KCNQ1: variants seen among roughly 807,000 people sequenced by gnomAD.
KCNQ1 encodes the protein potassium voltage-gated channel subfamily KQT member 1.
KCNQ1 carries 49 observed loss-of-function variants against 72.4 expected under a neutral mutation model. That is an observed-to-expected ratio of 0.68 (90% confidence interval 0.54 to 0.86). KCNQ1 has a LOEUF of 0.86. KCNQ1 is among the 40% of genes least tolerant of loss of function. KCNQ1 has a pLI of 0.00. For missense variants in KCNQ1, 790 were observed against 945.1 expected, an observed-to-expected ratio of 0.84 and a Z score of 2.15; for synonymous variants, 450 against 412.6, an observed-to-expected ratio of 1.09 and a Z score of -1.10.
rs1008081672 is a variant in KCNQ1 at position 2,735,611 on chromosome 11, G to C, written c.1515-33233G>C. 3.8e-4 allele frequency among the ~76,000 whole-genome samples: 58 copies of C among 152,108 alleles called. No individual in the cohort carries two copies. The highest frequency in any genetic ancestry group is 8.8e-5 in the Non-Finnish European group (6 of 68,026). ...TGAGGAGCACTTGGAGGAGCTGGGG[G>C]ATGACATGAGTCCACTCCGCTGTCA... On this transcript the variant is annotated intron_variant, in intron 11 of 15. Coordinates refer to ENST00000155840, the MANE Select transcript of KCNQ1 (RefSeq NM_000218.3). This position sits in a 1 kb window ranked among gnomAD's most constrained non-coding sequence, Gnocchi z 7.7.
chr11:2,686,008 A>AG, intron 11 of KCNQ1: 1 of 398,876 alleles, frequency 2.5e-6, no homozygotes, highest in East Asian at 3.6e-5. Flanking sequence ...AAGAAGAGTC[A>AG]GGGGGGCTCA....
At position 2,762,920 on chromosome 11, in the gene KCNQ1, A is replaced by C. The variant is rs1490858527; in HGVS notation, c.1515-5924A>C. Among the ~76,000 whole-genome samples, 1 of 151,666 alleles carries C rather than the reference A, an allele frequency of 6.6e-6. No individual in the cohort carries two copies. The highest frequency in any genetic ancestry group is 1.9e-4 in the East Asian group (1 of 5,160). On this transcript the variant is annotated intron_variant, in intron 11 of 15. Transcript: ENST00000155840. The surrounding 1 kb of genome is among the most constrained non-coding windows in gnomAD (Gnocchi z 4.3). Reference sequence around the variant, plus strand: ...ACCCCCACTGTTCATCTGTCTGCCCACACGCTCTTAATCAAGCCCTGTGGC... The same window carrying C: ...ACCCCCACTGTTCATCTGTCTGCCCCCACGCTCTTAATCAAGCCCTGTGGC...
intron 1 of KCNQ1, among the ~76,000 whole-genome samples, chr11:2,485,570 C>T (rs1846728679): frequency 6.6e-6 from 1 of 152,136 alleles, no homozygotes; most frequent in Admixed American, 6.5e-5. Flanking sequence ...TATTTTTAAG[C>T]ACACAGTTCA....
In KCNQ1 at chr11:2,789,882, GTCT is replaced by G. The variant is rs559280143; in HGVS notation, c.1794+11846_1794+11848del. Among the ~76,000 whole-genome samples the G allele has an allele frequency of 1.8e-4, 28 of 152,282 alleles. No individual in the cohort carries two copies. The South Asian group carries it at 5.4e-3, about 29-fold the overall frequency. On this transcript the variant is annotated intron_variant, in intron 15 of 15. Coordinates refer to ENST00000155840, the MANE Select transcript of KCNQ1 (RefSeq NM_000218.3). The stretch of plus-strand genomic sequence containing the variant: ...AACAAGGTCCCACCTTGGTCCTCTG[GTCT>G]CCCCTGGGAGGACCACCCCCAATCC...
intron 12 of KCNQ1, among the ~76,000 whole-genome samples, chr11:2,773,802 G>T (rs903721525): frequency 2.6e-5 from 4 of 151,732 alleles, no homozygotes; most frequent in African/African-American, 9.7e-5. Context: ...TTACAGAAGG[G>T]AGCTTAGCAT....
intron 1 of KCNQ1, among the ~76,000 whole-genome samples, chr11:2,519,285 G>T (rs1847338828): frequency 6.6e-6 from 1 of 152,248 alleles, no homozygotes; most frequent in Admixed American, 6.5e-5. Flanking sequence ...CAGGGTTCGG[G>T]TGATGCCCTG....
chr11:2,572,908 C>T lies in KCNQ1; in HGVS notation c.843C>T (p.Tyr281=). 1.9e-6 allele frequency: 3 copies of T among 1,613,848 alleles called. No individual in the cohort carries two copies. Among genetic ancestry groups the T allele is most frequent in the Non-Finnish European group, 2.5e-6 (3 of 1,180,026 alleles). Residue 281 remains tyrosine (Y), a synonymous_variant, in exon 6 of 16, where the codon TAC becomes TAT. Coordinates refer to ENST00000155840, the MANE Select transcript of KCNQ1 (RefSeq NM_000218.3). The part of the protein sequence containing the change: ...LGLIFSSYFV[Y]LAEKDAVNES... ...TCATCTTCTCCTCGTACTTTGTGTA[C>T]CTGGCTGAGAAGGACGCGGTGAACG...
intron 11 of KCNQ1, among the ~76,000 whole-genome samples, chr11:2,702,934 C>T (rs531136053): frequency 6.6e-6 from 1 of 152,356 alleles, no homozygotes; most frequent in East Asian, 1.9e-4. Context: ...CAGCCCAGCG[C>T]ACCTGTTGTG....
intron 10 of KCNQ1, among the ~76,000 whole-genome samples, chr11:2,597,315 G>C (rs982686304): frequency 1.3e-5 from 2 of 152,142 alleles, no homozygotes; most frequent in Admixed American, 1.3e-4. Flanking sequence ...ATATGCCTTT[G>C]AATCATTCTA....
At chr11:2,490,373 A>G (rs1345882075) in intron 1 of KCNQ1, among the ~76,000 whole-genome samples, 1 of 152,254 alleles carries the variant, frequency 6.6e-6, no homozygotes, top group Non-Finnish European at 1.5e-5. Flanking sequence ...GTGAAGGACA[A>G]AAGCCTGGCT....
chr11:2,836,513 C>T (rs1280616960), intron 15 of KCNQ1, among the ~76,000 whole-genome samples: 1 of 152,212 alleles, frequency 6.6e-6, no homozygotes, highest in East Asian at 1.9e-4. Flanking sequence ...ACCCCTCCCC[C>T]CGAACACCAG....
Position 2,678,031 on chromosome 11 carries a change from T to C in KCNQ1, c.1514+15950T>C. 1 of 398,492 alleles carries C rather than the reference T, an allele frequency of 2.5e-6. No individual in the cohort carries two copies. The highest frequency in any genetic ancestry group is 4.4e-5 in the Admixed American group (1 of 22,740). The allele number at this position is 398,492 out of a possible 1,614,324, so 24.7% of individuals were successfully genotyped here. ...ATGCTTAAAATCATTTGTTTTTCTTTCTTGTGAACTATTTCTTCATACCCT... is the reference window on the plus strand; with the variant it reads ...ATGCTTAAAATCATTTGTTTTTCTTCCTTGTGAACTATTTCTTCATACCCT... On this transcript the variant is annotated intron_variant, in intron 11 of 15. Transcript: ENST00000155840. The surrounding 1 kb of genome is among the most constrained non-coding windows in gnomAD (Gnocchi z 4.9).
At chr11:2,629,192 A>G (rs901459863) in intron 10 of KCNQ1, 6 of 398,110 alleles carry the variant, frequency 1.5e-5, no homozygotes, top group Non-Finnish European at 2.2e-5. Context: ...TAGTATAGCT[A>G]TTTCGGCAAT....
At chr11:2,820,923 C>T (rs1445978011) in intron 15 of KCNQ1, among the ~76,000 whole-genome samples, 4 of 152,360 alleles carry the variant, frequency 2.6e-5, no homozygotes, top group African/African-American at 7.2e-5. Context: ...GCCTACACCC[C>T]ACCTCCATTG....
At position 2,570,608 on chromosome 11, in the gene KCNQ1, G is replaced by A. The variant is rs368080519; in HGVS notation, c.478-20G>A. Reference sequence around the variant, plus strand: ...AAGGCCGAGCCTGCCTGCAGTGAGCGTCCCACTCTGTCCCTGCAGGAGATC... The same window carrying A: ...AAGGCCGAGCCTGCCTGCAGTGAGCATCCCACTCTGTCCCTGCAGGAGATC... On this transcript the variant is annotated intron_variant, in intron 2 of 15. Coordinates refer to ENST00000155840, the MANE Select transcript of KCNQ1 (RefSeq NM_000218.3). 4.3e-4 allele frequency: 693 copies of A among 1,611,266 alleles called. 9 individuals carry two copies. The South Asian group carries it at 7.0e-3, about 16-fold the overall frequency.
At chr11:2,466,471 G>T (rs1846353620) in intron 1 of KCNQ1, among the ~76,000 whole-genome samples, 1 of 152,170 alleles carries the variant, frequency 6.6e-6, no homozygotes, top group South Asian at 2.1e-4. Context: ...GGGGCAAGGG[G>T]CTGGCCCCTG....
chr11:2,770,379 C>G (rs1846572654), intron 12 of KCNQ1, among the ~76,000 whole-genome samples: 1 of 152,240 alleles, frequency 6.6e-6, no homozygotes, highest in South Asian at 2.1e-4. Flanking sequence ...GGCCTTGCCC[C>G]CAGCAACCCC....
intron 1 of KCNQ1, among the ~76,000 whole-genome samples, chr11:2,501,291 AAG>A (rs1284441785): frequency 1.3e-5 from 2 of 150,408 alleles, no homozygotes; most frequent in African/African-American, 4.9e-5. Flanking sequence ...TAGCCAGACT[AAG>A]AAAAGAAGAG....
rs1847864096 is a variant in KCNQ1 at position 2,544,094 on chromosome 11, G to C, written c.477+16076G>C. On this transcript the variant is annotated intron_variant, in intron 2 of 15. Coordinates refer to ENST00000155840, the MANE Select transcript of KCNQ1 (RefSeq NM_000218.3). The surrounding 1 kb of genome is among the most constrained non-coding windows in gnomAD (Gnocchi z 4.4). ...CCTTTGCATTTACATATAAATTTTGGAAGCTGCTTACCAATTTTTGCAAAG... is the reference window on the plus strand; with the variant it reads ...CCTTTGCATTTACATATAAATTTTGCAAGCTGCTTACCAATTTTTGCAAAG... 6.6e-6 allele frequency among the ~76,000 whole-genome samples: 1 copy of C among 151,966 alleles called. No individual in the cohort carries two copies. The highest frequency in any genetic ancestry group is 6.6e-5 in the Admixed American group (1 of 15,262).
Sources: allele counts gnomAD v4.1 joint callset (sites outside exome capture counted in the v4.1 genomes callset), GRCh38; gene constraint gnomAD v4.1.1; non-coding constraint Gnocchi (gnomAD v3.1); transcripts MANE v1.5; gene names NCBI Gene and HGNC (gene_info 2026-07-23, HGNC 2026-07-21).